Variants in TMEM184B observed in about 807,000 individuals in gnomAD.
The protein encoded by TMEM184B is transmembrane protein 184B.
Under a neutral mutation model 41.8 loss-of-function variants are expected in TMEM184B, and 17 were observed. The observed-to-expected ratio is 0.41, with a 90% CI of 0.28 to 0.61. TMEM184B has a LOEUF of 0.61. TMEM184B is among the 20% of genes least tolerant of loss of function. TMEM184B has a pLI of 0.34. For synonymous variants in TMEM184B, 240 were observed against 229.5 expected, an observed-to-expected ratio of 1.05 and a Z score of -0.41; for missense variants, 393 against 557.8, an observed-to-expected ratio of 0.70 and a Z score of 2.98.
At chr22:38,241,522 T>TAA (rs1173089244) in intron 3 of TMEM184B, among the ~76,000 whole-genome samples, 1 of 89,324 alleles carries the variant, frequency 1.1e-5, no homozygotes, top group Non-Finnish European at 2.1e-5. Context: ...ACCTCATCTC[T>TAA]ACAAAAAAAA....
intron 8 of TMEM184B, 29 bp downstream of exon 8, chr22:38,224,756 C>A: frequency 3.9e-6 from 6 of 1,543,694 alleles, no homozygotes; most frequent in Non-Finnish European, 4.4e-6. Flanking sequence ...CTTCTCCCAG[C>A]GGGGGTCGCC....
rs776457856 is a variant in TMEM184B at position 38,231,348 on chromosome 22, G to A, written c.359-14C>T. ...AGATGACCAAGGCTGCGAAGAGAGTGTCCAGGAGAAACCAGTCAAATCAGC... is the reference window on the plus strand; with the variant it reads ...AGATGACCAAGGCTGCGAAGAGAGTATCCAGGAGAAACCAGTCAAATCAGC... On this transcript the variant is annotated splice_polypyrimidine_tract_variant and intron_variant, in intron 3 of 8. Coordinates refer to ENST00000361906, the MANE Select transcript of TMEM184B (RefSeq NM_012264.5). 7 of 1,608,766 alleles carry A rather than the reference G, an allele frequency of 4.4e-6. No homozygotes were observed. Among genetic ancestry groups the A allele is most frequent in the South Asian group, 2.2e-5 (2 of 91,014 alleles).
At chr22:38,237,290 G>C (rs972440115) in intron 3 of TMEM184B, among the ~76,000 whole-genome samples, 11 of 152,230 alleles carry the variant, frequency 7.2e-5, no homozygotes, top group African/African-American at 2.7e-4. Flanking sequence ...TTTGAGAAAA[G>C]ACTCAGTACT....
rs956287263 is a variant in TMEM184B at position 38,246,205 on chromosome 22, C to T, written c.193-105G>A. The T allele has an allele frequency of 8.0e-5, 110 of 1,373,286 alleles. 1 individual carries two copies. In the South Asian group the frequency reaches 1.0e-3, roughly 13 times the overall value. 85.1% of individuals were successfully genotyped at this position (1,373,286 alleles called of 1,614,324 possible). A position where few individuals can be genotyped will look rare whatever the true frequency, so the allele number is the denominator to read the frequency against. ...ACCGACTCATCTGTGACCCGATGCA[C>T]GTGACCTACCCCTGAGCCTCAGAGC... On this transcript the variant is annotated intron_variant, in intron 2 of 8. Coordinates refer to ENST00000361906, the MANE Select transcript of TMEM184B (RefSeq NM_012264.5).
intron 1 of TMEM184B, among the ~76,000 whole-genome samples, chr22:38,254,323 G>C (rs539297500): frequency 1.2e-4 from 18 of 152,186 alleles, no homozygotes; most frequent in African/African-American, 3.9e-4. Flanking sequence ...ATAAGTACAT[G>C]GCGCAGTGGC....
At chr22:38,269,388 T>A (rs925677827) in intron 1 of TMEM184B, among the ~76,000 whole-genome samples, 2 of 152,000 alleles carry the variant, frequency 1.3e-5, no homozygotes, top group African/African-American at 4.8e-5. Flanking sequence ...GCCTGGCAAA[T>A]TTTTTTTAGT....
chr22:38,228,230 T>A (rs1176180899), intron 5 of TMEM184B, among the ~76,000 whole-genome samples: 1 of 152,206 alleles, frequency 6.6e-6, no homozygotes, highest in Non-Finnish European at 1.5e-5. Context: ...GAAGTGGGAC[T>A]GGCACCTTCT....
chr22:38,263,696 T>C (rs2092403780), intron 1 of TMEM184B, among the ~76,000 whole-genome samples: 1 of 152,326 alleles, frequency 6.6e-6, no homozygotes, highest in African/African-American at 2.4e-5. Context: ...CCGGTGAAAG[T>C]ATAGAAACAT....
At chr22:38,224,715 G>A in intron 8 of TMEM184B, 70 bp downstream of exon 8, 4 of 1,448,024 alleles carry the variant, frequency 2.8e-6, no homozygotes, top group South Asian at 1.4e-5. Context: ...GCTGGGAGGT[G>A]GGAGGGTCCT....
Position 38,228,406 on chromosome 22 carries a change from A to AAGCAGC in TMEM184B, c.526-1542_526-1537dup, listed in dbSNP as rs57862768. On this transcript the variant is annotated intron_variant, in intron 5 of 8. Transcript: ENST00000361906. ...AGGAAACTGAGGCAGAGAGAAGCTG[A>AAGCAGC]AGCAGCAGCAGCAGCAGCAGCAGAG... Among the ~76,000 whole-genome samples the AAGCAGC allele has an allele frequency of 1.1e-3, 159 of 151,294 alleles. 2 individuals are homozygous for AAGCAGC. The South Asian group carries it at 0.021, about 20-fold the overall frequency.
At position 38,225,542 on chromosome 22, in the gene TMEM184B, G is replaced by A; in HGVS notation, c.669C>T (p.Ser223=). 1 of 1,606,708 alleles carries A rather than the reference G, an allele frequency of 6.2e-7. No homozygotes were observed. Residue 223 remains serine (S), a synonymous_variant, in exon 7 of 9, where the codon AGC becomes AGT. Transcript: ENST00000361906. The surrounding 1 kb of genome is among the most constrained non-coding windows in gnomAD (Gnocchi z 4.4). ...YVTIIYNISV[S]LALYALFLFY... ...AGAGGAAGAGGGCGTAGAGGGCCAG[G>A]CTGACGGAGATGTTGTAGATGATGG...
intron 1 of TMEM184B, among the ~76,000 whole-genome samples, chr22:38,268,390 A>G (rs955237926): frequency 6.7e-6 from 1 of 149,006 alleles, no homozygotes; most frequent in Non-Finnish European, 1.5e-5. Context: ...AAAAAAAAAA[A>G]GAAAGAATTC....
intron 1 of TMEM184B, among the ~76,000 whole-genome samples, chr22:38,266,292 T>C (rs2092442806): frequency 2.0e-5 from 3 of 152,268 alleles, no homozygotes; most frequent in Admixed American, 2.0e-4. Context: ...TTCATGGTCA[T>C]GTGACCTGCC....
intron 1 of TMEM184B, among the ~76,000 whole-genome samples, chr22:38,265,965 T>C (rs2092438414): frequency 6.6e-6 from 1 of 152,208 alleles, no homozygotes; most frequent in Admixed American, 6.5e-5. Flanking sequence ...GAGGCCCCAT[T>C]CTGGGTGCAG....
chr22:38,251,485 AGCT>A (rs2092160881), intron 1 of TMEM184B, among the ~76,000 whole-genome samples: 2 of 152,224 alleles, frequency 1.3e-5, no homozygotes, highest in African/African-American at 2.4e-5. Flanking sequence ...AGGTGCAGGC[AGCT>A]GCTTGAAGGC....
chr22:38,258,663 T>C (rs552595935), intron 1 of TMEM184B, among the ~76,000 whole-genome samples: 1 of 152,198 alleles, frequency 6.6e-6, no homozygotes, highest in South Asian at 2.1e-4. Context: ...GAAGGGTGGG[T>C]GCAACACCCC....
At chr22:38,232,236 T>C (rs1449972777) in intron 3 of TMEM184B, 1 of 152,132 alleles carries the variant, frequency 6.6e-6, no homozygotes, top group African/African-American at 2.4e-5. Context: ...CTTGGGAAGC[T>C]TGGGCTGCTC....
intron 3 of TMEM184B, 71 bp downstream of exon 3, chr22:38,245,864 G>A (rs2092015214): frequency 2.1e-6 from 3 of 1,453,396 alleles, no homozygotes; most frequent in Non-Finnish European, 2.8e-6. Context: ...CCCTCGGGGA[G>A]GAATGTGGGG....
At chr22:38,217,876 C>T (rs2091169990), downstream of TMEM184B, among the ~76,000 whole-genome samples, 1 of 150,760 alleles carries the variant, frequency 6.6e-6, no homozygotes, top group African/African-American at 2.4e-5. Flanking sequence ...AACAATTAGC[C>T]AGTCATGGTG....
Sources: gnomAD v4.1 joint callset for allele counts (sites outside exome capture counted in the v4.1 genomes callset) on GRCh38, gnomAD v4.1.1 for gene constraint, Gnocchi (gnomAD v3.1) non-coding constraint, MANE v1.5 for transcripts, NCBI Gene and HGNC (gene_info 2026-07-23, HGNC 2026-07-21) for gene names.